The following B3GALT1 variants were observed in gnomAD, a reference collection of about 807,000 sequenced individuals.
B3GALT1 encodes the protein UDP-Gal:betaGlcNAc beta 1,3-galactosyltransferase, polypeptide 1.
A neutral mutation model predicts 23.2 loss-of-function variants in B3GALT1; 10 were observed. The observed-to-expected ratio is 0.43, with a 90% CI of 0.27 to 0.73. B3GALT1 has a LOEUF of 0.73. Among genes scored for constraint, B3GALT1 ranks in the 30% least tolerant of loss-of-function variants. The pLI, the probability that B3GALT1 is intolerant of heterozygous loss-of-function variation, is 0.21. For missense variants in B3GALT1, 299 were observed against 405.4 expected (o/e 0.74, Z 2.25); for synonymous variants, 156 against 141.5 (o/e 1.10, Z -0.73).
At chr2:167,584,370 T>C (rs1036368199) in intron 2 of B3GALT1, among the ~76,000 whole-genome samples, 1 of 152,316 alleles carries the variant, frequency 6.6e-6, no homozygotes, top group South Asian at 2.1e-4. Flanking sequence ...ACTCAGTTTT[T>C]CCCACTATGC....
intron 2 of B3GALT1, among the ~76,000 whole-genome samples, chr2:167,596,984 A>G (rs1240047817): frequency 1.3e-5 from 2 of 152,178 alleles, no homozygotes; most frequent in South Asian, 4.1e-4. Context: ...GAATTAAAGA[A>G]CTTGCGACTT....
intron 2 of B3GALT1, among the ~76,000 whole-genome samples, chr2:167,628,052 ATT>A (rs1558929521): frequency 1.3e-5 from 2 of 151,650 alleles, no homozygotes; most frequent in Non-Finnish European, 3.0e-5. Flanking sequence ...AATTTGGATT[ATT>A]GTTTTATTAT....
chr2:167,460,959 G>A (rs183639184), intron 1 of B3GALT1, among the ~76,000 whole-genome samples: 1 of 152,060 alleles, frequency 6.6e-6, no homozygotes, highest in Admixed American at 6.6e-5. Context: ...ATTAATGCCT[G>A]GTTCCTAAAA....
At chr2:167,822,940 G>A (rs761541976) in intron 4 of B3GALT1, among the ~76,000 whole-genome samples, 11 of 152,310 alleles carry the variant, frequency 7.2e-5, no homozygotes, top group Non-Finnish European at 1.5e-4. Flanking sequence ...TGGACATATA[G>A]ATAGACCGCA....
intron 2 of B3GALT1, among the ~76,000 whole-genome samples, chr2:167,588,253 A>C (rs1684613872): frequency 6.6e-6 from 1 of 152,216 alleles, no homozygotes; most frequent in South Asian, 2.1e-4. Flanking sequence ...AGCTAAAAAA[A>C]CTATGATTAC....
chr2:167,643,266 G>A lies in B3GALT1; in HGVS notation c.-409-3643G>A, dbSNP rs188420839. On this transcript the variant is annotated intron_variant, in intron 2 of 4. Transcript: ENST00000392690. ...CTTTTACTCTTTGTTGATGATTCAAGTATTTTTGGGATATTATCTCTTTGT... is the reference window on the plus strand; with the variant it reads ...CTTTTACTCTTTGTTGATGATTCAAATATTTTTGGGATATTATCTCTTTGT... 2.9e-4 allele frequency among the ~76,000 whole-genome samples: 44 copies of A among 152,296 alleles called. 1 individual carries two copies. The highest frequency in any genetic ancestry group is 1.5e-3 in the South Asian group (7 of 4,824).
rs535360506 is a variant in B3GALT1, at chr2:167,858,359, A to C, written c.-229-10452A>C. Among the ~76,000 whole-genome samples the C allele has an allele frequency of 3.3e-5, 5 of 152,032 alleles. No homozygotes were observed. The South Asian group carries it at 1.0e-3, about 32-fold the overall frequency. On this transcript the variant is annotated intron_variant, in intron 4 of 4. Transcript: ENST00000392690. ...AAGAGCGAAGTAAAAAAAAAAAAAA[A>C]AAAAACTGCTTTTGCACCAATTAGT...
intron 2 of B3GALT1, among the ~76,000 whole-genome samples, chr2:167,583,654 T>C (rs1199064350): frequency 6.6e-6 from 1 of 151,072 alleles, no homozygotes; most frequent in East Asian, 1.9e-4. Flanking sequence ...CAGCATTCTT[T>C]AAAAATTGCA....
At chr2:167,457,978 T>A (rs894494831) in intron 1 of B3GALT1, among the ~76,000 whole-genome samples, 10 of 152,202 alleles carry the variant, frequency 6.6e-5, no homozygotes, top group African/African-American at 2.4e-4. Context: ...AACATAAAAT[T>A]TGCCATGTTA....
At chr2:167,639,023 A>G (rs1574183779) in intron 2 of B3GALT1, among the ~76,000 whole-genome samples, 1 of 152,196 alleles carries the variant, frequency 6.6e-6, no homozygotes, top group East Asian at 1.9e-4. Context: ...ATGCTTAGTT[A>G]ATACTTTCAC....
At chr2:167,650,834 A>G (rs115832061) in intron 3 of B3GALT1, among the ~76,000 whole-genome samples, 1,829 of 152,224 alleles carry the variant, frequency 0.012, 15 homozygotes, top group South Asian at 0.041. Context: ...GCTGAAGTTC[A>G]AAGAAGAAAT....
intron 1 of B3GALT1, among the ~76,000 whole-genome samples, chr2:167,460,620 T>C (rs531141955): frequency 7.4e-6 from 1 of 135,034 alleles, no homozygotes; most frequent in Non-Finnish European, 1.5e-5. Flanking sequence ...ACAGTTTCTA[T>C]TTTTTTTTTC....
chr2:167,449,640 G>A (rs1340249440), intron 1 of B3GALT1, among the ~76,000 whole-genome samples: 1 of 152,142 alleles, frequency 6.6e-6, no homozygotes, highest in Non-Finnish European at 1.5e-5. Context: ...TTGAATAGAA[G>A]TGGTGAGAGT....
chr2:167,758,667 T>G (rs1687855846), intron 3 of B3GALT1, among the ~76,000 whole-genome samples: 1 of 152,132 alleles, frequency 6.6e-6, no homozygotes, highest in Non-Finnish European at 1.5e-5. Context: ...TTCGTGCATT[T>G]TTTTTTCCCT....
rs117292737 is a variant in B3GALT1, at chr2:167,690,365, A to G, written c.-352+43399A>G. Among the ~76,000 whole-genome samples, 235 of 152,192 alleles carry G rather than the reference A, an allele frequency of 1.5e-3. 6 individuals carry two copies. In the East Asian group the frequency reaches 0.043, roughly 28 times the overall value. On this transcript the variant is annotated intron_variant, in intron 3 of 4. Transcript: ENST00000392690. The stretch of plus-strand genomic sequence containing the variant: ...AAAAGTAATTACAAAATAGTTCAAA[A>G]ATAAATTATTTATAAGTACAAATAA...
chr2:167,783,667 C>T (rs992132528), intron 3 of B3GALT1, among the ~76,000 whole-genome samples: 11 of 152,188 alleles, frequency 7.2e-5, no homozygotes, highest in African/African-American at 2.4e-4. Context: ...GGAGGAAACT[C>T]TGGGATCCTG....
chr2:167,601,206 C>T (rs1049410117), intron 2 of B3GALT1, among the ~76,000 whole-genome samples: 3 of 152,022 alleles, frequency 2.0e-5, no homozygotes, highest in East Asian at 3.9e-4. Flanking sequence ...ATTACAGGCA[C>T]GTGCCACCAC....
chr2:167,573,816 G>T (rs567570456), intron 2 of B3GALT1, among the ~76,000 whole-genome samples: 2 of 151,508 alleles, frequency 1.3e-5, no homozygotes, highest in Non-Finnish European at 3.0e-5. Context: ...CTTATGGGGG[G>T]CAGTCAGAGG....
Position 167,594,862 on chromosome 2 carries a change from C to T in B3GALT1, c.-409-52047C>T, listed in dbSNP as rs573356652. 3.9e-5 allele frequency among the ~76,000 whole-genome samples: 6 copies of T among 151,952 alleles called. No homozygotes were observed. In the South Asian group the frequency reaches 6.3e-4, roughly 16 times the overall value. On this transcript the variant is annotated intron_variant, in intron 2 of 4. Transcript: ENST00000392690. ...TGGAGGTTGCAATCAGCCAAGATTG[C>T]GTGACTGCACTCTAGCCCAGGTGAA...
Sources: gnomAD v4.1 joint callset for allele counts (sites outside exome capture counted in the v4.1 genomes callset) on GRCh38, gnomAD v4.1.1 for gene constraint, MANE v1.5 for transcripts, NCBI Gene and HGNC (gene_info 2026-07-23, HGNC 2026-07-21) for gene names.